AUH: variants seen among roughly 807,000 people sequenced by gnomAD.
The protein encoded by AUH is methylglutaconyl-CoA hydratase, mitochondrial.
Under a neutral mutation model 42.3 loss-of-function variants are expected in AUH, and 29 were observed. That is an observed-to-expected ratio of 0.69 (90% confidence interval 0.51 to 0.93). AUH has a LOEUF of 0.93. Ranked by LOEUF, AUH falls within the 40% of genes least tolerant of loss-of-function variation. The pLI is 0.00. For missense variants in AUH, 452 were observed against 438.1 expected (o/e 1.03, Z -0.28); for synonymous variants, 174 against 166.4 (o/e 1.05, Z -0.35).
chr9:91,267,806 T>C lies in AUH; in HGVS notation c.655+28215A>G, dbSNP rs181112701. 4.6e-5 allele frequency among the ~76,000 whole-genome samples: 7 copies of C among 152,218 alleles called. No homozygotes were observed. In the East Asian group the frequency reaches 1.4e-3, roughly 29 times the overall value. ...TGTAGGGAGCTCATTTCCCCTTTCC[T>C]AGCCCCTTTTCTCTACTCTGTAAAT... On this transcript the variant is annotated intron_variant, in intron 6 of 9. Coordinates refer to ENST00000375731, the MANE Select transcript of AUH (RefSeq NM_001698.3).
At chr9:91,308,730 C>G (rs1420094123) in intron 4 of AUH, among the ~76,000 whole-genome samples, 1 of 151,252 alleles carries the variant, frequency 6.6e-6, no homozygotes, top group African/African-American at 2.4e-5. Context: ...CAATTCAGGT[C>G]AACTTGGTGG....
At chr9:91,341,508 T>C (rs898409209) in intron 3 of AUH, among the ~76,000 whole-genome samples, 2 of 152,248 alleles carry the variant, frequency 1.3e-5, no homozygotes, top group Admixed American at 1.3e-4. Flanking sequence ...CAACCTTCTA[T>C]TTATAAGACT....
chr9:91,227,950 T>C (rs1827618081), intron 6 of AUH, among the ~76,000 whole-genome samples: 1 of 152,168 alleles, frequency 6.6e-6, no homozygotes, highest in South Asian at 2.1e-4. Flanking sequence ...CTGGATTTGG[T>C]TTGCCAGTAT....
intron 3 of AUH, among the ~76,000 whole-genome samples, chr9:91,346,457 T>A (rs1371269944): frequency 6.6e-6 from 1 of 152,188 alleles, no homozygotes; most frequent in Non-Finnish European, 1.5e-5. Flanking sequence ...AACTTTGCTC[T>A]AAGTACCTCC....
chr9:91,324,225 G>C (rs930369483), intron 4 of AUH, among the ~76,000 whole-genome samples: 4 of 152,174 alleles, frequency 2.6e-5, no homozygotes, highest in African/African-American at 9.7e-5. Context: ...AGAAAAGGCT[G>C]AGTAATGTGG....
intron 6 of AUH, among the ~76,000 whole-genome samples, chr9:91,274,893 A>C (rs1825424095): frequency 6.6e-6 from 1 of 152,238 alleles, no homozygotes; most frequent in African/African-American, 2.4e-5. Context: ...TTAGTAGTTC[A>C]AAATGATGCT....
In AUH at chr9:91,325,312, G is replaced by A; in HGVS notation, c.505+6C>T. 6.2e-7 allele frequency: 1 copy of A among 1,611,310 alleles called. No individual in the cohort carries two copies. The highest frequency in any genetic ancestry group is 8.5e-7 in the Non-Finnish European group (1 of 1,177,618). On this transcript the variant is annotated splice_donor_region_variant and intron_variant, in intron 4 of 9. Coordinates refer to ENST00000375731, the MANE Select transcript of AUH (RefSeq NM_001698.3). ...CATGCTGAAAGAAGAACTTAATAGTGCTTACCAATATCGTTAATCACTGCT... is the reference window on the plus strand; with the variant it reads ...CATGCTGAAAGAAGAACTTAATAGTACTTACCAATATCGTTAATCACTGCT...
At chr9:91,302,202 T>C (rs1587814056) in intron 4 of AUH, among the ~76,000 whole-genome samples, 2 of 151,858 alleles carry the variant, frequency 1.3e-5, no homozygotes, top group Non-Finnish European at 2.9e-5. Context: ...GCAGTGTGGC[T>C]CATGCCTGTA....
chr9:91,220,377 A>C (rs1342026547), intron 7 of AUH, among the ~76,000 whole-genome samples: 4 of 152,228 alleles, frequency 2.6e-5, no homozygotes, highest in African/African-American at 9.6e-5. Context: ...ACTCTGGCAC[A>C]ACAGACTACA....
intron 6 of AUH, among the ~76,000 whole-genome samples, chr9:91,266,236 C>G (rs1323459637): frequency 1.3e-5 from 2 of 152,020 alleles, no homozygotes; most frequent in African/African-American, 4.8e-5. Flanking sequence ...GTGGCAGACG[C>G]CTGTAATCCC....
intron 3 of AUH, among the ~76,000 whole-genome samples, chr9:91,351,730 G>A (rs1162502427): frequency 2.6e-5 from 4 of 152,174 alleles, no homozygotes; most frequent in East Asian, 1.9e-4. Context: ...AAACCCTACC[G>A]TGAACTACGC....
At chr9:91,357,531 ACATTAATAATCATAGAAAT>A in intron 1 of AUH, 22 of 944,988 alleles carry the variant, frequency 2.3e-5, no homozygotes, top group Non-Finnish European at 2.6e-5. Context: ...GGAAATACAA[ACATTAATAATCATAGAAAT>A]CATTAATAAT....
chr9:91,292,888 G>A (rs1335598859), intron 6 of AUH, among the ~76,000 whole-genome samples: 1 of 151,932 alleles, frequency 6.6e-6, no homozygotes, highest in Non-Finnish European at 1.5e-5. Flanking sequence ...AAGTCTATTG[G>A]CACCATTTTT....
chr9:91,337,299 A>C (rs951006698), intron 3 of AUH, among the ~76,000 whole-genome samples: 7 of 152,222 alleles, frequency 4.6e-5, no homozygotes, highest in African/African-American at 1.4e-4. Context: ...AATGCTTAAG[A>C]GGTATGAATA....
chr9:91,267,781 T>A (rs888815886), intron 6 of AUH, among the ~76,000 whole-genome samples: 3 of 152,176 alleles, frequency 2.0e-5, no homozygotes, highest in Non-Finnish European at 4.4e-5. Flanking sequence ...AGAAAGGTGA[T>A]GTAGGGAGCT....
intron 6 of AUH, among the ~76,000 whole-genome samples, chr9:91,292,815 T>G (rs1167570951): frequency 1.3e-5 from 2 of 152,196 alleles, no homozygotes; most frequent in Non-Finnish European, 2.9e-5. Flanking sequence ...TTTGTCGTGC[T>G]TCCCTTTATT....
intron 1 of AUH, chr9:91,357,393 G>A: frequency 1.6e-6 from 1 of 634,046 alleles, no homozygotes. Flanking sequence ...ATAAAACTGT[G>A]TTACACTGTT....
chr9:91,307,041 T>C (rs963736488), intron 4 of AUH, among the ~76,000 whole-genome samples: 1 of 152,190 alleles, frequency 6.6e-6, no homozygotes, highest in Admixed American at 6.5e-5. Context: ...ATGGAAATTA[T>C]AGTGATACAA....
chr9:91,269,364 C>T (rs897672011), intron 6 of AUH, among the ~76,000 whole-genome samples: 5 of 152,204 alleles, frequency 3.3e-5, no homozygotes, highest in African/African-American at 9.7e-5. Flanking sequence ...GAAACACTTA[C>T]GTGTCTGGAA....
Sources: allele counts gnomAD v4.1 joint callset (sites outside exome capture counted in the v4.1 genomes callset), GRCh38; gene constraint gnomAD v4.1.1; transcripts MANE v1.5; gene names NCBI Gene and HGNC (gene_info 2026-07-23, HGNC 2026-07-21).